The following MAGI2 variants were observed in gnomAD, a reference collection of about 807,000 sequenced individuals.
The protein encoded by MAGI2 is membrane-associated guanylate kinase, WW and PDZ domain-containing protein 2.
MAGI2 carries 35 observed loss-of-function variants against 133.3 expected under a neutral mutation model. The ratio of observed to expected loss-of-function variants is 0.26; its 90% confidence interval spans 0.20 to 0.35. The LOEUF is 0.35. Among genes scored for constraint, MAGI2 ranks in the 10% least tolerant of loss-of-function variants. The probability of loss-of-function intolerance (pLI) is 1.00; values close to 1 mark genes in which losing one functional copy is unlikely to be tolerated. For missense variants in MAGI2, 1,636 were observed against 1,863.4 expected (o/e 0.88, Z 2.25); for synonymous variants, 729 against 710.6 (o/e 1.03, Z -0.41).
intron 2 of MAGI2, among the ~76,000 whole-genome samples, chr7:78,947,511 T>C (rs1418298576): frequency 2.6e-5 from 4 of 152,180 alleles, no homozygotes; most frequent in African/African-American, 9.6e-5. Flanking sequence ...GATGAAAATA[T>C]GCTTAAGTAT....
intron 2 of MAGI2, among the ~76,000 whole-genome samples, chr7:78,783,630 A>T (rs887716133): frequency 2.6e-5 from 4 of 152,196 alleles, no homozygotes; most frequent in African/African-American, 9.7e-5. Flanking sequence ...GGAAATCAAT[A>T]AAGTGTAATT....
chr7:78,206,255 GCATAA>G (rs1008666794), intron 10 of MAGI2, among the ~76,000 whole-genome samples: 5 of 150,860 alleles, frequency 3.3e-5, no homozygotes, highest in African/African-American at 1.2e-4. Context: ...CGTCAATTTG[GCATAA>G]CACCAAGACA....
chr7:79,171,741 AAAAT>A (rs59215575), intron 1 of MAGI2, among the ~76,000 whole-genome samples: 23 of 22,682 alleles, frequency 1.0e-3, no homozygotes, highest in East Asian at 1.6e-3. Flanking sequence ...ACAATAGCCA[AAAAT>A]ATATATATAT....
intron 6 of MAGI2, among the ~76,000 whole-genome samples, chr7:78,432,501 G>A (rs1468675321): frequency 6.6e-6 from 1 of 151,942 alleles, no homozygotes; most frequent in African/African-American, 2.4e-5. Context: ...TTTTTCAAAT[G>A]TCCTAAAACG....
chr7:78,216,624 C>G (rs1788300339), intron 10 of MAGI2, among the ~76,000 whole-genome samples: 1 of 152,192 alleles, frequency 6.6e-6, no homozygotes. Context: ...GCCTGCTTCT[C>G]TGCCCTGCTG....
At chr7:79,037,089 A>AT (rs1194018007) in intron 1 of MAGI2, among the ~76,000 whole-genome samples, 3 of 152,142 alleles carry the variant, frequency 2.0e-5, no homozygotes, top group Non-Finnish European at 2.9e-5. Context: ...GCCAACCATG[A>AT]TTTTTTGACA....
intron 6 of MAGI2, among the ~76,000 whole-genome samples, chr7:78,428,553 A>G (rs1443377629): frequency 6.6e-6 from 1 of 152,168 alleles, no homozygotes; most frequent in African/African-American, 2.4e-5. Flanking sequence ...CAAAAAGTAT[A>G]TTTAAAAAAT....
chr7:78,305,650 T>TGCAAG (rs1299609582), intron 9 of MAGI2, among the ~76,000 whole-genome samples: 23 of 152,102 alleles, frequency 1.5e-4, no homozygotes, highest in Non-Finnish European at 2.9e-5. Context: ...CAACCTCCTA[T>TGCAAG]GCAAGGGGGA....
intron 6 of MAGI2, among the ~76,000 whole-genome samples, chr7:78,375,491 T>G (rs1358485083): frequency 6.6e-6 from 1 of 152,110 alleles, no homozygotes; most frequent in African/African-American, 2.4e-5. Context: ...AATCATGCAA[T>G]GTACTAAGAT....
chr7:79,090,346 T>C (rs1468275058), intron 1 of MAGI2, among the ~76,000 whole-genome samples: 1 of 152,072 alleles, frequency 6.6e-6, no homozygotes, highest in Non-Finnish European at 1.5e-5. Flanking sequence ...TATAAAAATG[T>C]CTCTCCATAA....
At chr7:78,164,674 G>A (rs896487605) in intron 15 of MAGI2, among the ~76,000 whole-genome samples, 1 of 152,106 alleles carries the variant, frequency 6.6e-6, no homozygotes, top group Non-Finnish European at 1.5e-5. Flanking sequence ...CCCTTTTTTG[G>A]CATTAGGCCA....
At chr7:78,059,777 A>ATATATT (rs368179491) in intron 21 of MAGI2, among the ~76,000 whole-genome samples, 103 of 146,140 alleles carry the variant, frequency 7.0e-4, no homozygotes, top group Middle Eastern at 3.5e-3. Context: ...ATATATATAT[A>ATATATT]TTTTTTTTCT....
chr7:78,941,742 ACACACACACAC>A lies in MAGI2; in HGVS notation c.418+65337_418+65347del, dbSNP rs1563688619. Among the ~76,000 whole-genome samples the A allele has an allele frequency of 4.7e-5, 7 of 149,024 alleles. No homozygotes were observed. The South Asian group carries it at 1.3e-3, about 27-fold the overall frequency. Reference sequence around the variant, plus strand: ...AGCCTATTTCATCACACACACACACACACACACACACACACACACACACACACACACACTTC... The same window carrying A: ...AGCCTATTTCATCACACACACACACAACACACACACACACACACACACTTC... On this transcript the variant is annotated intron_variant, in intron 2 of 21. Coordinates refer to ENST00000354212, the MANE Select transcript of MAGI2 (RefSeq NM_012301.4).
chr7:79,044,370 T>C (rs778824289), intron 1 of MAGI2, among the ~76,000 whole-genome samples: 2 of 152,162 alleles, frequency 1.3e-5, no homozygotes, highest in Non-Finnish European at 2.9e-5. Context: ...TGGCTTTTGA[T>C]AAAATTTAAC....
intron 9 of MAGI2, among the ~76,000 whole-genome samples, chr7:78,292,884 T>C (rs1796861207): frequency 6.6e-6 from 1 of 152,142 alleles, no homozygotes; most frequent in Admixed American, 6.6e-5. Flanking sequence ...TAGCCATATG[T>C]AGAAAGCTGA....
intron 4 of MAGI2, chr7:78,518,995 C>T (rs1796265319): frequency 6.6e-6 from 1 of 151,938 alleles, no homozygotes; most frequent in East Asian, 1.9e-4. Flanking sequence ...GCCTTGATCT[C>T]CCAAAGTGCT....
chr7:78,291,834 T>C (rs1048485751), intron 9 of MAGI2, among the ~76,000 whole-genome samples: 4 of 151,626 alleles, frequency 2.6e-5, no homozygotes, highest in Admixed American at 6.6e-5. Context: ...ACAAAAACCA[T>C]ACGATTATCT....
At chr7:78,748,351 A>G (rs2151272393) in intron 2 of MAGI2, among the ~76,000 whole-genome samples, 1 of 152,296 alleles carries the variant, frequency 6.6e-6, no homozygotes. Context: ...TAATCCAGTG[A>G]TAGAGGTTTT....
chr7:78,227,189 T>C (rs1789475229), intron 10 of MAGI2, among the ~76,000 whole-genome samples: 1 of 152,212 alleles, frequency 6.6e-6, no homozygotes, highest in South Asian at 2.1e-4. Flanking sequence ...CTTAGATATA[T>C]TTTTCCTTTT....
Sources: gnomAD v4.1 joint callset for allele counts (sites outside exome capture counted in the v4.1 genomes callset) on GRCh38, gnomAD v4.1.1 for gene constraint, MANE v1.5 for transcripts, NCBI Gene and HGNC (gene_info 2026-07-23, HGNC 2026-07-21) for gene names.